Variants in CLEC12A observed in about 807,000 individuals in gnomAD.
CLEC12A encodes the protein C-type lectin protein CLL-1.
Under a neutral mutation model 26.5 loss-of-function variants are expected in CLEC12A, and 22 were observed. The ratio of observed to expected loss-of-function variants is 0.83; its 90% confidence interval spans 0.59 to 1.19. The LOEUF is 1.19. CLEC12A is among the 50% of genes most tolerant of loss of function. The pLI is 0.00. For missense variants in CLEC12A, 353 were observed against 315.6 expected, an observed-to-expected ratio of 1.12 and a Z score of -0.90; for synonymous variants, 119 against 101.9, an observed-to-expected ratio of 1.17 and a Z score of -1.01.
chr12:9,990,015 A>G (rs1864856988), downstream of CLEC12A, among the ~76,000 whole-genome samples: 1 of 152,056 alleles, frequency 6.6e-6, no homozygotes, highest in South Asian at 2.1e-4. Flanking sequence ...TTTTAAGCCC[A>G]TTGTTGAGAA....
chr12:9,975,128 C>T (rs1864285587), intron 1 of CLEC12A, among the ~76,000 whole-genome samples: 1 of 152,144 alleles, frequency 6.6e-6, no homozygotes, highest in African/African-American at 2.4e-5. Flanking sequence ...TTATAAATTA[C>T]CCAGTTGTGG....
intron 4 of CLEC12A, chr12:9,993,417 ACG>A: frequency 1.3e-6 from 1 of 778,442 alleles, no homozygotes. Flanking sequence ...AAAAAAAAAA[ACG>A]ATTCTCATTG....
At chr12:9,955,770 CAAAG>C in intron 1 of CLEC12A, among the ~76,000 whole-genome samples, 1 of 152,210 alleles carries the variant, frequency 6.6e-6, no homozygotes, top group East Asian at 1.9e-4. Flanking sequence ...TACCAAAAGG[CAAAG>C]AAAAACCTCC....
At chr12:10,004,002 T>C in the CLEC12A span, among the ~76,000 whole-genome samples, 6 of 152,108 alleles carry the variant, frequency 3.9e-5, no homozygotes, top group South Asian at 1.2e-3. Context: ...GTGATTAAGG[T>C]GAAATGGGAG....
rs769295853 is a variant in CLEC12A, at chr12:9,984,761, AAC to A, written c.642-105_642-104del. The A allele has an allele frequency of 4.1e-4, 411 of 1,012,284 alleles. 1 individual carries two copies. Among genetic ancestry groups the A allele is most frequent in the Non-Finnish European group, 4.2e-4 (327 of 770,712 alleles). 62.7% of individuals were successfully genotyped at this position (1,012,284 alleles called of 1,614,324 possible). A position where few individuals can be genotyped will look rare whatever the true frequency, so the allele number is the denominator to read the frequency against. Reference sequence around the variant, plus strand: ...ACATTAAATTAGATTTAGTTTAAACAACACAGAGTCTAGGGCAATAATATCAT... The same window carrying A: ...ACATTAAATTAGATTTAGTTTAAACAACAGAGTCTAGGGCAATAATATCAT... On this transcript the variant is annotated intron_variant, in intron 5 of 5. Coordinates refer to ENST00000304361, the MANE Select transcript of CLEC12A (RefSeq NM_138337.6).
downstream of CLEC12A, chr12:9,997,345 C>A: frequency 7.0e-7 from 1 of 1,436,028 alleles, no homozygotes. Context: ...AAAGGTCTGT[C>A]ATTGAATTTT....
downstream of CLEC12A, chr12:9,996,859 T>G: frequency 6.2e-7 from 1 of 1,614,076 alleles, no homozygotes; most frequent in Non-Finnish European, 8.5e-7. Context: ...AATGTTCCGG[T>G]TGTCAATCTT....
At position 9,953,658 on chromosome 12, in the gene CLEC12A, A is replaced by G. The variant is rs1265229554; in HGVS notation, c.10+2302A>G. ...GGGGCGCCTCTGCCCGGCCGCCCCT[A>G]CTGGGAAGTGAGGAGCCCCTCTGCC... On this transcript the variant is annotated intron_variant, in intron 1 of 6. Transcript: ENST00000355690. Among the ~76,000 whole-genome samples the G allele has an allele frequency of 4.6e-5, 7 of 150,936 alleles. No homozygotes were observed. The East Asian group carries it at 1.4e-3, about 30-fold the overall frequency.
intron 1 of CLEC12A, among the ~76,000 whole-genome samples, chr12:9,958,299 G>A (rs1212378375): frequency 6.6e-6 from 1 of 152,122 alleles, no homozygotes; most frequent in Non-Finnish European, 1.5e-5. Context: ...GTTGCAGATG[G>A]GTACATATAA....
At chr12:9,994,365 T>A (rs1224699126) in intron 4 of CLEC12A, among the ~76,000 whole-genome samples, 1 of 152,204 alleles carries the variant, frequency 6.6e-6, no homozygotes, top group Non-Finnish European at 1.5e-5. Context: ...GTAGTTGTAG[T>A]ATCCTAAGAT....
chr12:10,000,156 G>T (rs1049353931), downstream of CLEC12A, among the ~76,000 whole-genome samples: 2 of 152,072 alleles, frequency 1.3e-5, no homozygotes, highest in African/African-American at 4.8e-5. Context: ...TAAGTAGTAG[G>T]CATTTACCTT....
At chr12:9,986,344 G>GAAA (rs3053775), downstream of CLEC12A, among the ~76,000 whole-genome samples, 3 of 119,062 alleles carry the variant, frequency 2.5e-5, no homozygotes, top group Non-Finnish European at 3.3e-5. Flanking sequence ...AGTCTCCACT[G>GAAA]AAAAAAAAAA....
At chr12:9,993,405 A>C (rs75575903) in intron 4 of CLEC12A, 30 of 668,200 alleles carry the variant, frequency 4.5e-5, no homozygotes, top group Middle Eastern at 2.5e-4. Context: ...GGAAAAAAAA[A>C]CAAAAAAAAA....
chr12:9,973,181 C>T (rs1488009402), intron 1 of CLEC12A, among the ~76,000 whole-genome samples: 1 of 152,150 alleles, frequency 6.6e-6, no homozygotes, highest in Non-Finnish European at 1.5e-5. Context: ...CCAGCTCTGG[C>T]TAGGTGCAGT....
At chr12:9,960,147 A>T (rs1230120301) in intron 1 of CLEC12A, among the ~76,000 whole-genome samples, 1 of 152,226 alleles carries the variant, frequency 6.6e-6, no homozygotes, top group Admixed American at 6.5e-5. Flanking sequence ...TGAATTCAAC[A>T]TACTCAGTAA....
At chr12:9,968,748 A>C (rs479624), upstream of CLEC12A, among the ~76,000 whole-genome samples, 1 of 151,966 alleles carries the variant, frequency 6.6e-6, no homozygotes, top group Admixed American at 6.5e-5. Flanking sequence ...ACTTATGTTT[A>C]ATATTGGAAG....
At chr12:9,965,042 G>T (rs145774692) in intron 1 of CLEC12A, among the ~76,000 whole-genome samples, 3 of 152,152 alleles carry the variant, frequency 2.0e-5, no homozygotes, top group Non-Finnish European at 2.9e-5. Flanking sequence ...AAGTGTATGC[G>T]TCAGGTGGGA....
downstream of CLEC12A, chr12:9,998,213 A>T: frequency 1.7e-6 from 2 of 1,144,220 alleles, no homozygotes; most frequent in Non-Finnish European, 2.7e-6. Context: ...TGAGAAGCTT[A>T]GTGGGATATG....
downstream of CLEC12A, among the ~76,000 whole-genome samples, chr12:9,987,752 T>G (rs545427749): frequency 2.0e-5 from 3 of 152,222 alleles, no homozygotes; most frequent in East Asian, 5.8e-4. Context: ...TTGTTTGTTT[T>G]TTTGTTTTGT....
Sources: gnomAD v4.1 joint callset for allele counts (sites outside exome capture counted in the v4.1 genomes callset) on GRCh38, gnomAD v4.1.1 for gene constraint, MANE v1.5 for transcripts, NCBI Gene and HGNC (gene_info 2026-07-23, HGNC 2026-07-21) for gene names.